PC: variants seen among roughly 807,000 people sequenced by gnomAD.
PC encodes pyruvate carboxylase, also known as pyruvate carboxylase, mitochondrial.
Under a neutral mutation model 107.8 loss-of-function variants are expected in PC, and 46 were observed. That is an observed-to-expected ratio of 0.43 (90% confidence interval 0.34 to 0.55). PC has a LOEUF of 0.55. Among genes scored for constraint, PC ranks in the 20% least tolerant of loss-of-function variants. PC has a pLI of 0.04. For synonymous variants in PC, 662 were observed against 684.7 expected (o/e 0.97, Z 0.52); for missense variants, 1,241 against 1,643.1 (o/e 0.76, Z 4.23).
intron 3 of PC, among the ~76,000 whole-genome samples, chr11:66,877,901 G>A (rs568462312): frequency 2.0e-5 from 3 of 152,132 alleles, no homozygotes; most frequent in South Asian, 4.2e-4. Flanking sequence ...TCACTCCCAC[G>A]TGCTATGGAA....
At position 66,851,845 on chromosome 11, in the gene PC, G is replaced by A. The variant is rs1189404555; in HGVS notation, c.1927C>T (p.Leu643=). 6.2e-7 allele frequency: 1 copy of A among 1,614,156 alleles called. No individual in the cohort carries two copies. The highest frequency in any genetic ancestry group is 1.1e-5 in the South Asian group (1 of 91,082). Residue 643 remains leucine (L), a synonymous_variant, in exon 16 of 23, where the codon CTG becomes TTG. Transcript: ENST00000393960. ...TAGCCCACAGCATTGGCCCCCCGCA[G>A]CAGCATCTGGAAAGGGATGTTGGGG... ...LIPNIPFQML[L]RGANAVGYTN...
chr11:66,948,218 AAAG>A (rs1949352439), intron 3 of PC, among the ~76,000 whole-genome samples: 1 of 152,058 alleles, frequency 6.6e-6, no homozygotes, highest in African/African-American at 2.4e-5. Context: ...AAAAAAAAAA[AAAG>A]AAGGAAATGA....
At chr11:66,902,363 G>A (rs1224333080) in intron 3 of PC, among the ~76,000 whole-genome samples, 1 of 152,170 alleles carries the variant, frequency 6.6e-6, no homozygotes, top group Non-Finnish European at 1.5e-5. Flanking sequence ...CTGATCATTT[G>A]TGTGAGCTGC....
chr11:66,943,477 G>A (rs145890097), intron 3 of PC, among the ~76,000 whole-genome samples: 5,745 of 151,818 alleles, frequency 0.038, 340 homozygotes, highest in African/African-American at 0.13. Context: ...GGTGGCTCAC[G>A]CCTGTAATCC....
At position 66,849,387 on chromosome 11, in the gene PC, C is replaced by G. The variant is rs1945334396; in HGVS notation, c.3148-17G>C. ...CAGCTCCACCTGCAGGGAGGGTGTG[C>G]AGACTCAGAGCTGGACGCCAAGGTG... is the stretch of plus-strand genomic sequence containing the variant. On this transcript the variant is annotated splice_polypyrimidine_tract_variant and intron_variant, in intron 21 of 22. Transcript: ENST00000393960. 1 of 1,611,794 alleles carries G rather than the reference C, an allele frequency of 6.2e-7. No homozygotes were observed.
At chr11:66,885,240 G>A (rs1342582220) in intron 3 of PC, among the ~76,000 whole-genome samples, 2 of 152,202 alleles carry the variant, frequency 1.3e-5, no homozygotes, top group South Asian at 2.1e-4. Flanking sequence ...TGTAATCCCA[G>A]CACTTTCGGA....
chr11:66,925,954 C>A (rs1948706586), intron 3 of PC, among the ~76,000 whole-genome samples: 1 of 150,338 alleles, frequency 6.7e-6, no homozygotes, highest in African/African-American at 2.4e-5. Context: ...GCAATGGCAT[C>A]ATACATCGTA....
intron 3 of PC, among the ~76,000 whole-genome samples, chr11:66,913,716 CT>C (rs1948400307): frequency 6.6e-6 from 1 of 151,566 alleles, no homozygotes; most frequent in Non-Finnish European, 1.5e-5. Flanking sequence ...TCTCCCGGAA[CT>C]GGGCCCCAGG....
At chr11:66,912,578 C>T (rs1397110119) in intron 3 of PC, among the ~76,000 whole-genome samples, 2 of 152,196 alleles carry the variant, frequency 1.3e-5, no homozygotes, top group African/African-American at 2.4e-5. Flanking sequence ...GCTGAGCAGC[C>T]GCTTCCTGTG....
intron 3 of PC, among the ~76,000 whole-genome samples, chr11:66,943,151 T>A (rs1385928578): frequency 6.6e-6 from 1 of 152,040 alleles, no homozygotes. Context: ...GAGGTTGTCA[T>A]GAGGGTCCTG....
chr11:66,943,188 T>A (rs1278828852), intron 3 of PC, among the ~76,000 whole-genome samples: 2 of 150,184 alleles, frequency 1.3e-5, no homozygotes, highest in African/African-American at 4.9e-5. Context: ...AGCATCCTAA[T>A]AAAAGAGGTC....
At position 66,858,698 on chromosome 11, in the gene PC, C is replaced by T. The variant is rs560082761; in HGVS notation, c.1368+5076G>A. 40 of 1,549,892 alleles carry T rather than the reference C, an allele frequency of 2.6e-5. No individual in the cohort carries two copies. Among genetic ancestry groups the T allele is most frequent in the South Asian group, 5.9e-5 (5 of 84,572 alleles). ...CTACCATGCACTGGGTCGGTCCTGA[C>T]GACCGGTTGGTTGGCAACTCCTCCC... On this transcript the variant is annotated intron_variant, in intron 12 of 22. Transcript: ENST00000393960. The surrounding 1 kb of genome is among the most constrained non-coding windows in gnomAD (Gnocchi z 5.9).
intron 16 of PC, 149 bp from the exon 17 acceptor site, chr11:66,851,429 G>C (rs370428966): frequency 8.3e-7 from 1 of 1,206,570 alleles, no homozygotes; most frequent in South Asian, 1.3e-5. Context: ...ACAGGCGGGG[G>C]GTGGCCACAC....
At chr11:66,862,393 G>A (rs554610711) in intron 12 of PC, among the ~76,000 whole-genome samples, 1 of 152,228 alleles carries the variant, frequency 6.6e-6, no homozygotes, top group African/African-American at 2.4e-5. Flanking sequence ...GTGGACATGT[G>A]AGAAGTGATT....
At chr11:66,879,073 C>T (rs1947089091) in intron 3 of PC, among the ~76,000 whole-genome samples, 1 of 152,204 alleles carries the variant, frequency 6.6e-6, no homozygotes, top group Admixed American at 6.5e-5. Context: ...TCCCAACTCC[C>T]TCCCCTCCCA....
intron 3 of PC, among the ~76,000 whole-genome samples, chr11:66,921,364 T>C (rs557193124): frequency 1.6e-4 from 25 of 152,310 alleles, no homozygotes; most frequent in African/African-American, 3.8e-4. Context: ...AGGATAATTT[T>C]GTAAAACAGA....
chr11:66,860,391 G>A lies in PC; in HGVS notation c.1368+3383C>T, dbSNP rs1480632419. 8 of 791,410 alleles carry A rather than the reference G, an allele frequency of 1.0e-5. 1 individual carries two copies. In the Admixed American group the frequency reaches 1.6e-4, roughly 16 times the overall value. 49.0% of individuals were successfully genotyped at this position (791,410 alleles called of 1,614,324 possible). ...GGGTAAGGGCAGGCCCCTCCAACAG[G>A]TGCTCACAGCCACCGAGGCAGGGGC... On this transcript the variant is annotated intron_variant, in intron 12 of 22. Coordinates refer to ENST00000393960, the MANE Select transcript of PC (RefSeq NM_001040716.2).
chr11:66,871,143 T>C lies in PC; in HGVS notation c.542A>G (p.His181Arg), dbSNP rs1946714659. The change falls in exon 7 of 23, where the codon CAC (histidine) becomes CGC (arginine). Residue 181 changes from histidine to arginine, a missense_variant. Physicochemically the swap from His to Arg is conservative, Grantham distance 29 (BLOSUM62 0). Coordinates refer to ENST00000393960, the MANE Select transcript of PC (RefSeq NM_001040716.2). This position sits in a 1 kb window ranked among gnomAD's most constrained non-coding sequence, Gnocchi z 7.4. ...GAAGCCGTAGGTGTTGGAGAACTCG[T>C]GGGCCTCATGCAGGGACGTGATGGG... is the stretch of plus-strand genomic sequence containing the variant. ...DAPITSLHEA[H>R]EFSNTYGFPI... 6.2e-7 allele frequency: 1 copy of C among 1,613,872 alleles called. No individual in the cohort carries two copies. The highest frequency in any genetic ancestry group is 8.5e-7 in the Non-Finnish European group (1 of 1,179,882).
intron 16 of PC, 119 bp downstream of exon 16, chr11:66,851,671 G>A (rs548953167): frequency 6.4e-4 from 683 of 1,059,646 alleles, no homozygotes; most frequent in Non-Finnish European, 9.6e-4. Flanking sequence ...CCCCTGCTGC[G>A]TGTGGCCACA....
Sources: gnomAD v4.1 joint callset for allele counts (sites outside exome capture counted in the v4.1 genomes callset) on GRCh38, gnomAD v4.1.1 for gene constraint, Gnocchi (gnomAD v3.1) non-coding constraint, MANE v1.5 for transcripts, NCBI Gene and HGNC (gene_info 2026-07-23, HGNC 2026-07-21) for gene names.